The following SLX4IP variants were observed in gnomAD, a reference collection of about 807,000 sequenced individuals.
The protein encoded by SLX4IP is SLX4 interacting protein.
In SLX4IP, 34 loss-of-function variants were observed where a neutral mutation model predicts 32.9. The observed-to-expected ratio is 1.03, with a 90% CI of 0.79 to 1.38. SLX4IP has a LOEUF of 1.38. Among genes scored for constraint, SLX4IP ranks in the 40% most tolerant of loss-of-function variants. The pLI is 0.00. For missense variants in SLX4IP, 444 were observed against 479.0 expected (o/e 0.93, Z 0.68); for synonymous variants, 172 against 171.7 (o/e 1.00, Z -0.01).
intron 4 of SLX4IP, among the ~76,000 whole-genome samples, chr20:10,575,429 C>A (rs1048654452): frequency 3.3e-5 from 5 of 152,080 alleles, no homozygotes; most frequent in Admixed American, 1.3e-4. Flanking sequence ...TACAGGGAGA[C>A]AGTGAGACCC....
chr20:10,605,933 T>C (rs2066900796), intron 6 of SLX4IP, among the ~76,000 whole-genome samples: 1 of 152,174 alleles, frequency 6.6e-6, no homozygotes, highest in Admixed American at 6.5e-5. Context: ...TTTAGACTCA[T>C]TTTCACTTCA....
intron 2 of SLX4IP, among the ~76,000 whole-genome samples, chr20:10,470,707 C>T (rs2065417995): frequency 6.6e-6 from 1 of 152,136 alleles, no homozygotes; most frequent in Non-Finnish European, 1.5e-5. Flanking sequence ...AAGGTATGTA[C>T]CAGGTCTAGC....
At chr20:10,613,662 A>G (rs188302774) in intron 6 of SLX4IP, 324 of 1,613,584 alleles carry the variant, frequency 2.0e-4, no homozygotes, top group Admixed American at 3.3e-4. Context: ...CTTTGCATTC[A>G]TCTTTTGTGT....
intron 1 of SLX4IP, among the ~76,000 whole-genome samples, chr20:10,446,516 T>G (rs1227206557): frequency 1.2e-5 from 1 of 83,586 alleles, no homozygotes; most frequent in Non-Finnish European, 3.2e-5. Flanking sequence ...GAGCAATTTT[T>G]GGGTTGTTTA....
At chr20:10,543,623 A>AGT in intron 2 of SLX4IP, among the ~76,000 whole-genome samples, 2 of 152,202 alleles carry the variant, frequency 1.3e-5, no homozygotes, top group Admixed American at 1.3e-4. Context: ...GAGAACGAGC[A>AGT]AAGCTGACTT....
At chr20:10,540,142 T>TCCTTC (rs1207064856) in intron 2 of SLX4IP, among the ~76,000 whole-genome samples, 19 of 142,732 alleles carry the variant, frequency 1.3e-4, no homozygotes, top group Admixed American at 3.6e-4. Context: ...CTTCCTTCCT[T>TCCTTC]CTTTCCTTCC....
At chr20:10,584,940 T>C (rs2066628404) in intron 4 of SLX4IP, among the ~76,000 whole-genome samples, 1 of 152,182 alleles carries the variant, frequency 6.6e-6, no homozygotes, top group Admixed American at 6.5e-5. Context: ...TTAAGAGGAA[T>C]GTCTGTTACA....
At chr20:10,487,521 A>G (rs898397627) in intron 2 of SLX4IP, among the ~76,000 whole-genome samples, 3 of 152,170 alleles carry the variant, frequency 2.0e-5, no homozygotes, top group East Asian at 3.9e-4. Flanking sequence ...AGGTTGCTGC[A>G]AAGTGCCACT....
intron 2 of SLX4IP, among the ~76,000 whole-genome samples, chr20:10,493,436 G>A (rs2122400612): frequency 6.6e-6 from 1 of 152,150 alleles, no homozygotes; most frequent in East Asian, 1.9e-4. Flanking sequence ...TTAGATTGAT[G>A]TTGAAACCAC....
At chr20:10,499,254 A>G (rs1175705872) in intron 2 of SLX4IP, among the ~76,000 whole-genome samples, 2 of 152,156 alleles carry the variant, frequency 1.3e-5, no homozygotes, top group African/African-American at 4.8e-5. Context: ...AACTTTACTT[A>G]CAATAAGAAA....
intron 2 of SLX4IP, among the ~76,000 whole-genome samples, chr20:10,477,865 C>T (rs2065488373): frequency 6.7e-6 from 1 of 149,756 alleles, no homozygotes; most frequent in Non-Finnish European, 1.5e-5. Context: ...GATGTGAAAT[C>T]TGTGTGTTGT....
intron 2 of SLX4IP, among the ~76,000 whole-genome samples, chr20:10,466,246 G>A (rs991414774): frequency 6.6e-5 from 10 of 152,260 alleles, no homozygotes; most frequent in Admixed American, 1.3e-4. Context: ...TGCCAGGGTC[G>A]CTCTCAATAA....
intron 7 of SLX4IP, 24 bp from the exon 8 acceptor site, chr20:10,622,635 T>G: frequency 6.3e-7 from 1 of 1,584,108 alleles, no homozygotes; most frequent in Non-Finnish European, 8.6e-7. Flanking sequence ...TTACAAACCA[T>G]AAAATCATTT....
At chr20:10,590,361 T>A (rs527483469) in intron 4 of SLX4IP, among the ~76,000 whole-genome samples, 29 of 152,174 alleles carry the variant, frequency 1.9e-4, no homozygotes, top group African/African-American at 6.5e-4. Flanking sequence ...TTTATTTATT[T>A]TTTTAATTTT....
intron 2 of SLX4IP, among the ~76,000 whole-genome samples, chr20:10,507,275 T>G (rs1280943226): frequency 6.6e-6 from 1 of 152,080 alleles, no homozygotes; most frequent in Non-Finnish European, 1.5e-5. Context: ...ACCCGTCATG[T>G]GTAGAGTTAG....
intron 4 of SLX4IP, among the ~76,000 whole-genome samples, chr20:10,583,426 C>T (rs534892611): frequency 2.0e-5 from 3 of 152,290 alleles, no homozygotes; most frequent in South Asian, 4.1e-4. Flanking sequence ...CATAGAAGAA[C>T]ACCTCCTTTA....
chr20:10,465,706 A>G (rs1041002522), intron 2 of SLX4IP, among the ~76,000 whole-genome samples: 3 of 152,204 alleles, frequency 2.0e-5, no homozygotes, highest in African/African-American at 4.8e-5. Flanking sequence ...AGGTTTTGCC[A>G]TGTTGGCCAG....
chr20:10,468,462 G>T lies in SLX4IP; in HGVS notation c.27+10231G>T, dbSNP rs79428928. On this transcript the variant is annotated intron_variant, in intron 2 of 7. Coordinates refer to ENST00000334534, the MANE Select transcript of SLX4IP (RefSeq NM_001009608.3). ...TCTAATCTGAACTCTCCAGCTAGAC[G>T]TAAGGCATTCTGATAATTACTCTCC... Among the ~76,000 whole-genome samples the T allele has an allele frequency of 4.6e-5, 7 of 152,292 alleles. No individual in the cohort carries two copies. In the East Asian group the frequency reaches 9.6e-4, roughly 21 times the overall value.
intron 6 of SLX4IP, among the ~76,000 whole-genome samples, chr20:10,620,462 C>T (rs1213774923): frequency 1.3e-5 from 2 of 152,034 alleles, no homozygotes; most frequent in East Asian, 1.9e-4. Flanking sequence ...AAAAAAGTCC[C>T]GAATTTTTTG....
Sources: gnomAD v4.1 joint callset for allele counts (sites outside exome capture counted in the v4.1 genomes callset) on GRCh38, gnomAD v4.1.1 for gene constraint, MANE v1.5 for transcripts, NCBI Gene and HGNC (gene_info 2026-07-23, HGNC 2026-07-21) for gene names.